SH3TC1: variants seen among roughly 807,000 people sequenced by gnomAD.
SH3TC1 encodes SH3 domain and tetratricopeptide repeat-containing protein 1.
SH3TC1 carries 135 observed loss-of-function variants against 117.3 expected under a neutral mutation model. The observed-to-expected ratio is 1.15, with a 90% confidence interval of 1.00 to 1.33. The LOEUF (loss-of-function observed/expected upper bound fraction) is 1.33. Among genes scored for constraint, SH3TC1 ranks in the 40% most tolerant of loss-of-function variants. SH3TC1 has a pLI of 0.00. For missense variants in SH3TC1, 2,092 were observed against 1,794.3 expected, an observed-to-expected ratio of 1.17 and a Z score of -3.00; for synonymous variants, 898 against 816.9, an observed-to-expected ratio of 1.10 and a Z score of -1.69.
chr4:8,238,934 G>GC (rs1168955323), intron 17 of SH3TC1, among the ~76,000 whole-genome samples: 1 of 152,170 alleles, frequency 6.6e-6, no homozygotes, highest in Non-Finnish European at 1.5e-5. Flanking sequence ...CCACAGGGAG[G>GC]CCCCCTCGGA....
intron 1 of SH3TC1, among the ~76,000 whole-genome samples, chr4:8,185,190 G>A (rs1039067743): frequency 2.0e-5 from 3 of 151,880 alleles, no homozygotes; most frequent in Non-Finnish European, 4.4e-5. Flanking sequence ...ACAAAAATTA[G>A]CCAGGAGTGT....
intron 12 of SH3TC1, among the ~76,000 whole-genome samples, chr4:8,230,132 T>G (rs533140824): frequency 8.0e-4 from 122 of 152,190 alleles, no homozygotes; most frequent in Non-Finnish European, 1.7e-3. Flanking sequence ...TTTGAGTCAC[T>G]TTTGGTAGTT....
chr4:8,204,335 C>A (rs903666522), intron 1 of SH3TC1, among the ~76,000 whole-genome samples: 1 of 152,182 alleles, frequency 6.6e-6, no homozygotes, highest in Non-Finnish European at 1.5e-5. Flanking sequence ...TTTCACCAAG[C>A]AGGGGCAGCA....
At position 8,209,133 on chromosome 4, in the gene SH3TC1, A is replaced by T. The variant is rs1467647820; in HGVS notation, c.173-615A>T. Among the ~76,000 whole-genome samples, 3 of 152,332 alleles carry T rather than the reference A, an allele frequency of 2.0e-5. No individual in the cohort carries two copies. The highest frequency in any genetic ancestry group is 3.9e-4 in the East Asian group (2 of 5,182). On this transcript the variant is annotated intron_variant, in intron 2 of 17. Coordinates refer to ENST00000245105, the MANE Select transcript of SH3TC1 (RefSeq NM_018986.5). The surrounding 1 kb of genome is among the most constrained non-coding windows in gnomAD (Gnocchi z 5.9). ...AGGCTGAGCCCGTCTGTGGGCTCAG[A>T]TAAAGTCCTCCAAAGATGCCCATGT...
Position 8,220,390 on chromosome 4 carries a change from G to T in SH3TC1, c.1112+860G>T, listed in dbSNP as rs543349302. On this transcript the variant is annotated intron_variant, in intron 9 of 17. Transcript: ENST00000245105. ...CCATCAGCCCCCGTGGCTCCTCTGG[G>T]GGGGGCACTCTTCTGGCCATACGCC... is the stretch of plus-strand genomic sequence containing the variant. 3.9e-5 allele frequency among the ~76,000 whole-genome samples: 6 copies of T among 152,034 alleles called. No individual in the cohort carries two copies. The South Asian group carries it at 8.3e-4, about 21-fold the overall frequency.
intron 1 of SH3TC1, among the ~76,000 whole-genome samples, chr4:8,189,469 G>A (rs1717344179): frequency 6.6e-6 from 1 of 152,246 alleles, no homozygotes; most frequent in Admixed American, 6.5e-5. Context: ...GAGAAGGGGT[G>A]CCAGGAAGGA....
At chr4:8,204,283 G>A (rs908145899) in intron 1 of SH3TC1, among the ~76,000 whole-genome samples, 1 of 152,206 alleles carries the variant, frequency 6.6e-6, no homozygotes, top group Admixed American at 6.5e-5. Context: ...TGGGAGGCAG[G>A]AGCTGCGGGG....
rs1717123332 is a variant in SH3TC1 at position 8,183,143 on chromosome 4, C to T, written c.-57+933C>T. Among the ~76,000 whole-genome samples the T allele has an allele frequency of 6.6e-5, 10 of 152,158 alleles. No individual in the cohort carries two copies. Among genetic ancestry groups the T allele is most frequent in the Admixed American group, 6.5e-4 (10 of 15,282 alleles). ...TGCCATCCGCCTGGCGACCTTGCCTCCCTCTCCCGCTGGGGCTATAGAATG... is the reference window on the plus strand; with the variant it reads ...TGCCATCCGCCTGGCGACCTTGCCTTCCTCTCCCGCTGGGGCTATAGAATG... On this transcript the variant is annotated intron_variant, in intron 1 of 16. Transcript: ENST00000508641. The surrounding 1 kb of genome is among the most constrained non-coding windows in gnomAD (Gnocchi z 5.4).
chr4:8,199,859 T>C (rs1403414508), intron 1 of SH3TC1, among the ~76,000 whole-genome samples: 3 of 152,200 alleles, frequency 2.0e-5, no homozygotes, highest in African/African-American at 7.2e-5. Context: ...GGCACCGCAG[T>C]GGCTATAACT....
Position 8,186,976 on chromosome 4 carries a change from A to G in SH3TC1, c.-57+4766A>G, listed in dbSNP as rs958325045. 6.0e-5 allele frequency among the ~76,000 whole-genome samples: 9 copies of G among 149,722 alleles called. No homozygotes were observed. The highest frequency in any genetic ancestry group is 2.0e-4 in the African/African-American group (8 of 40,786). On this transcript the variant is annotated intron_variant, in intron 1 of 16. Coordinates refer to the SH3TC1 transcript ENST00000508641. The surrounding 1 kb of genome is among the most constrained non-coding windows in gnomAD (Gnocchi z 5.2). ...AAAAAAAAAAAGGACATGCTCCTGTAGGCACATTGCTGTGCCTTTGCCCAT... is the reference window on the plus strand; with the variant it reads ...AAAAAAAAAAAGGACATGCTCCTGTGGGCACATTGCTGTGCCTTTGCCCAT...
intron 7 of SH3TC1, 48 bp from the exon 8 acceptor site, chr4:8,218,223 C>T (rs1385430301): frequency 2.7e-6 from 4 of 1,498,514 alleles, no homozygotes; most frequent in African/African-American, 2.8e-5. Flanking sequence ...GATGTATCTG[C>T]CCCAAATCTG....
intron 1 of SH3TC1, among the ~76,000 whole-genome samples, chr4:8,188,005 T>C (rs1268813228): frequency 6.6e-6 from 1 of 152,238 alleles, no homozygotes; most frequent in Non-Finnish European, 1.5e-5. Flanking sequence ...TTGATCCATT[T>C]AACTATTGGT....
upstream of SH3TC1, among the ~76,000 whole-genome samples, chr4:8,196,143 G>A (rs531175158): frequency 6.2e-4 from 95 of 152,360 alleles, no homozygotes; most frequent in African/African-American, 2.2e-3. The surrounding 1 kb of genome is among the most constrained non-coding windows in gnomAD (Gnocchi z 4.6). Flanking sequence ...GTGCACCTGT[G>A]CTTGGCTTGT....
chr4:8,214,608 T>C (rs1417755555), intron 5 of SH3TC1, 28 bp downstream of exon 5: 11 of 1,585,586 alleles, frequency 6.9e-6, no homozygotes, highest in Non-Finnish European at 9.5e-6. Context: ...CCAGAATTGG[T>C]CATGGGGACG....
In SH3TC1 at chr4:8,183,555, A is replaced by C. The variant is rs1717141430; in HGVS notation, c.-57+1345A>C. On this transcript the variant is annotated intron_variant, in intron 1 of 16. Coordinates refer to the SH3TC1 transcript ENST00000508641. This position sits in a 1 kb window ranked among gnomAD's most constrained non-coding sequence, Gnocchi z 5.4. ...ACGCTTGGGTGTCTTTGGGCCTTAA[A>C]AGTTCATCAAACTTGTTCCACCCTA... Among the ~76,000 whole-genome samples the C allele has an allele frequency of 6.6e-6, 1 of 152,170 alleles. No individual in the cohort carries two copies. The highest frequency in any genetic ancestry group is 2.4e-5 in the African/African-American group (1 of 41,438).
chr4:8,214,071 G>T (rs912270237), intron 4 of SH3TC1, among the ~76,000 whole-genome samples: 1 of 152,150 alleles, frequency 6.6e-6, no homozygotes, highest in African/African-American at 2.4e-5. Flanking sequence ...CTGGCGGGGG[G>T]ATGGAAATCA....
rs374513612 is a variant in SH3TC1, at chr4:8,228,229, G to A, written c.2535G>A (p.Leu845=). ...HVLHGQSPVA[L]DILQSVRDAV... is the part of the protein sequence containing the mutation. ...TTCATGGGCAGAGCCCGGTGGCCCT[G>A]GACATCCTGCAGTCTGTCCGGGATG... Residue 845 remains leucine (L), a synonymous_variant, in exon 12 of 18, where the codon CTG becomes CTA. Transcript: ENST00000245105. 5 of 1,609,348 alleles carry A rather than the reference G, an allele frequency of 3.1e-6. No homozygotes were observed. In the African/African-American group the frequency reaches 5.3e-5, roughly 17 times the overall value.
intron 15 of SH3TC1, chr4:8,235,868 C>T (rs879569888): frequency 1.9e-5 from 7 of 376,114 alleles, no homozygotes; most frequent in Non-Finnish European, 2.9e-5. Context: ...CGTCAAAGGA[C>T]ACACGGCATG....
At chr4:8,219,071 G>A (rs958100138) in intron 8 of SH3TC1, among the ~76,000 whole-genome samples, 2 of 152,124 alleles carry the variant, frequency 1.3e-5, no homozygotes, top group Non-Finnish European at 2.9e-5. Flanking sequence ...AAGAGCCTTG[G>A]CCTTGGAGGC....
Sources: gnomAD v4.1 joint callset for allele counts (sites outside exome capture counted in the v4.1 genomes callset) on GRCh38, gnomAD v4.1.1 for gene constraint, Gnocchi (gnomAD v3.1) non-coding constraint, MANE v1.5 for transcripts, NCBI Gene and HGNC (gene_info 2026-07-23, HGNC 2026-07-21) for gene names.